The following ADAM22 variants were observed in gnomAD, a reference collection of about 807,000 sequenced individuals.
ADAM22 encodes the protein disintegrin and metalloproteinase domain-containing protein 22.
Under a neutral mutation model 144.6 loss-of-function variants are expected in ADAM22, and 65 were observed. The ratio of observed to expected loss-of-function variants is 0.45; its 90% CI spans 0.37 to 0.55. ADAM22 has a LOEUF of 0.55. ADAM22 is among the 20% of genes least tolerant of loss of function. ADAM22 has a pLI of 0.00. For synonymous variants in ADAM22, 391 were observed against 412.6 expected, an observed-to-expected ratio of 0.95 and a Z score of 0.63; for missense variants, 974 against 1,184.9, an observed-to-expected ratio of 0.82 and a Z score of 2.61.
chr7:88,148,023 T>G (rs1222347520), intron 17 of ADAM22, among the ~76,000 whole-genome samples: 1 of 152,152 alleles, frequency 6.6e-6, no homozygotes, highest in Non-Finnish European at 1.5e-5. Flanking sequence ...GAATACATAT[T>G]TTGTTTGGGT....
chr7:88,018,129 A>G (rs1158665117), intron 3 of ADAM22, among the ~76,000 whole-genome samples: 1 of 152,168 alleles, frequency 6.6e-6, no homozygotes, highest in Non-Finnish European at 1.5e-5. Context: ...GACCTGAAAA[A>G]TCACATAGTG....
At chr7:88,068,595 G>A (rs1214279917) in intron 3 of ADAM22, among the ~76,000 whole-genome samples, 1 of 152,192 alleles carries the variant, frequency 6.6e-6, no homozygotes, top group Non-Finnish European at 1.5e-5. Context: ...GGCATAGCTT[G>A]TTACAGTATA....
Position 88,181,971 on chromosome 7 carries a change from C to A in ADAM22, c.2610C>A (p.Gly870=). 6.2e-7 allele frequency: 1 copy of A among 1,613,452 alleles called. No homozygotes were observed. Among genetic ancestry groups the A allele is most frequent in the Non-Finnish European group, 8.5e-7 (1 of 1,179,636 alleles). Reference sequence around the variant, plus strand: ...CGTCTTTTTCAGGTAACCTGGGAGGCAACAAAAAGAAAATCAGAGGCAAAA... The same window carrying A: ...CGTCTTTTTCAGGTAACCTGGGAGGAAACAAAAAGAAAATCAGAGGCAAAA... ...RSNSWQGNLG[G]NKKKIRGKRF... Residue 870 remains glycine, a synonymous_variant, in exon 29 of 32, where the codon GGC becomes GGA. Coordinates refer to ENST00000413139, the MANE Select transcript of ADAM22 (RefSeq NM_001324418.2).
At chr7:88,111,290 G>C (rs1032348365) in intron 5 of ADAM22, among the ~76,000 whole-genome samples, 3 of 151,912 alleles carry the variant, frequency 2.0e-5, no homozygotes, top group African/African-American at 7.3e-5. Context: ...AATGTATGTT[G>C]TCCCAATTAC....
chr7:88,125,991 G>C (rs1002103417), intron 8 of ADAM22, among the ~76,000 whole-genome samples: 1 of 151,894 alleles, frequency 6.6e-6, no homozygotes, highest in Non-Finnish European at 1.5e-5. Context: ...CACTTGTATG[G>C]TTTATATCCT....
chr7:88,121,523 A>G (rs1829307548), intron 7 of ADAM22, among the ~76,000 whole-genome samples: 1 of 152,206 alleles, frequency 6.6e-6, no homozygotes, highest in Admixed American at 6.5e-5. Context: ...CCACGGTGTC[A>G]TGAGTTTGTA....
At chr7:88,074,221 A>T (rs186678074) in intron 3 of ADAM22, among the ~76,000 whole-genome samples, 35 of 152,248 alleles carry the variant, frequency 2.3e-4, no homozygotes, top group Admixed American at 4.6e-4. Context: ...TGTATCCTGG[A>T]TATTTAGTGC....
chr7:87,981,807 C>CTGA (rs1853507007), intron 3 of ADAM22, among the ~76,000 whole-genome samples: 1 of 151,572 alleles, frequency 6.6e-6, no homozygotes, highest in South Asian at 2.1e-4. Flanking sequence ...TACAGTGTGG[C>CTGA]TGATGATGAT....
intron 3 of ADAM22, among the ~76,000 whole-genome samples, chr7:88,074,437 A>G (rs1210700185): frequency 1.3e-5 from 2 of 152,234 alleles, no homozygotes; most frequent in Non-Finnish European, 2.9e-5. Context: ...TATATTTTAT[A>G]AACATCAAAT....
chr7:87,944,229 T>TA (rs1478046271), intron 2 of ADAM22, among the ~76,000 whole-genome samples: 2 of 152,112 alleles, frequency 1.3e-5, no homozygotes. Flanking sequence ...GATTTGAACC[T>TA]AGGCACTTCA....
At chr7:88,060,964 TGTG>T in intron 3 of ADAM22, among the ~76,000 whole-genome samples, 2 of 150,608 alleles carry the variant, frequency 1.3e-5, no homozygotes, top group South Asian at 4.2e-4. Flanking sequence ...CTTAGCCTGG[TGTG>T]GTGGCAGGCA....
rs905596016 is a variant in ADAM22 at position 88,199,121 on chromosome 7, C to T, written c.*2630C>T. On this transcript the variant is annotated 3_prime_UTR_variant, in exon 32 of 32. Coordinates refer to ENST00000413139, the MANE Select transcript of ADAM22 (RefSeq NM_001324418.2). ...TAAATATTTATGACTTTTCATCCAC[C>T]GAGGTAGGTAGCATTAAATATACAA... The T allele has an allele frequency of 4.6e-5, 7 of 152,044 alleles. No homozygotes were observed. Among genetic ancestry groups the T allele is most frequent in the African/African-American group, 7.2e-5 (3 of 41,388 alleles). The allele number at this position is 152,044 out of a possible 1,614,324, so 9.4% of individuals were successfully genotyped here.
intron 4 of ADAM22, among the ~76,000 whole-genome samples, chr7:88,107,789 G>A (rs898796633): frequency 2.0e-5 from 3 of 150,216 alleles, no homozygotes; most frequent in African/African-American, 7.4e-5. Context: ...ACAGGGTCTT[G>A]CTATGTTGCT....
At chr7:88,083,234 G>A (rs991684559) in intron 4 of ADAM22, among the ~76,000 whole-genome samples, 5 of 151,824 alleles carry the variant, frequency 3.3e-5, no homozygotes, top group Admixed American at 1.3e-4. Flanking sequence ...AAACTATTGC[G>A]AGGACAAAAA....
intron 24 of ADAM22, among the ~76,000 whole-genome samples, chr7:88,166,304 A>G (rs1378322748): frequency 6.6e-6 from 1 of 152,178 alleles, no homozygotes; most frequent in Non-Finnish European, 1.5e-5. Context: ...TAAAGAAGAA[A>G]CAATTAAAGA....
At chr7:88,039,464 A>AAAAAAAAAAAAAAAAATAT in intron 3 of ADAM22, among the ~76,000 whole-genome samples, 5 of 76,376 alleles carry the variant, frequency 6.5e-5, no homozygotes, top group East Asian at 5.3e-4. Flanking sequence ...AAAAAAAAAA[A>AAAAAAAAAAAAAAAAATAT]ATATATATAT....
chr7:88,007,462 C>G (rs1025995068), intron 3 of ADAM22, among the ~76,000 whole-genome samples: 1 of 152,168 alleles, frequency 6.6e-6, no homozygotes, highest in African/African-American at 2.4e-5. Context: ...GCCAAAAGAA[C>G]AAAGCTGGAG....
At chr7:88,172,831 C>T (rs1033924526) in intron 26 of ADAM22, among the ~76,000 whole-genome samples, 4 of 151,900 alleles carry the variant, frequency 2.6e-5, no homozygotes, top group African/African-American at 9.7e-5. Flanking sequence ...TGTCCAAAAG[C>T]GCTTGCTTAG....
At chr7:88,136,943 A>G (rs1833123860) in intron 14 of ADAM22, among the ~76,000 whole-genome samples, 1 of 152,092 alleles carries the variant, frequency 6.6e-6, no homozygotes, top group African/African-American at 2.4e-5. Flanking sequence ...AACAGTGGAT[A>G]CTTATACACC....
Sources: allele counts gnomAD v4.1 joint callset (sites outside exome capture counted in the v4.1 genomes callset), GRCh38; gene constraint gnomAD v4.1.1; transcripts MANE v1.5; gene names NCBI Gene and HGNC (gene_info 2026-07-23, HGNC 2026-07-21).